Variants in CFAP126 observed in about 807,000 individuals in gnomAD.
CFAP126 encodes protein Flattop.
CFAP126 carries 21 observed loss-of-function variants against 17.1 expected under a neutral mutation model. The observed-to-expected ratio is 1.23, with a 90% CI of 0.87 to 1.77. CFAP126 has a LOEUF of 1.77. Ranked by LOEUF, CFAP126 falls within the 40% of genes most tolerant of loss-of-function variation. The pLI is 0.00. For missense variants in CFAP126, 174 were observed against 215.4 expected (o/e 0.81, Z 1.20); for synonymous variants, 65 against 73.5 (o/e 0.88, Z 0.59).
At chr1:161,365,181 A>T in intron 4 of CFAP126, 31 bp from the exon 5 acceptor site, 2 of 1,599,564 alleles carry the variant, frequency 1.3e-6, no homozygotes, top group Non-Finnish European at 1.7e-6. Flanking sequence ...AGAGATAGTC[A>T]TGTCTCTGGT....
chr1:161,366,619 T>C, intron 1 of CFAP126, 118 bp from the exon 2 acceptor site: 1 of 882,348 alleles, frequency 1.1e-6, no homozygotes, highest in Non-Finnish European at 1.9e-6. Context: ...ATGTAGGCTT[T>C]AAGTCACTAT....
At chr1:161,367,555 A>G (rs1402979282) in intron 1 of CFAP126, 2 of 375,752 alleles carry the variant, frequency 5.3e-6, no homozygotes, top group Non-Finnish European at 9.4e-6. Context: ...GCAAGTAGCT[A>G]CAGAATATTT....
chr1:161,366,502 C>T lies in CFAP126; in HGVS notation c.28-1G>A, dbSNP rs367993405. 3.1e-6 allele frequency: 5 copies of T among 1,613,850 alleles called. No individual in the cohort carries two copies. The highest frequency in any genetic ancestry group is 4.2e-6 in the Non-Finnish European group (5 of 1,179,780). On this transcript the variant is annotated splice_acceptor_variant, in intron 1 of 4. Coordinates refer to ENST00000367974, the MANE Select transcript of CFAP126 (RefSeq NM_001013625.4). LOFTEE classifies it high-confidence loss of function. The stretch of plus-strand genomic sequence containing the variant: ...ACTTGGATGAGAAAGCCTTTTCATA[C>T]TGTGGAGAGAAAGATAAGTAGCCCT...
intron 1 of CFAP126, 77 bp downstream of exon 1, chr1:161,367,765 C>G (rs1672785466): frequency 7.6e-7 from 1 of 1,318,576 alleles, no homozygotes; most frequent in Admixed American, 1.7e-5. Context: ...GATCAGAATC[C>G]TATGAGAGGG....
Position 161,366,784 on chromosome 1 carries a change from T to A in CFAP126, c.28-283A>T, listed in dbSNP as rs538613745. 25 of 412,748 alleles carry A rather than the reference T, an allele frequency of 6.1e-5. No homozygotes were observed. In the East Asian group the frequency reaches 1.2e-3, roughly 19 times the overall value. 25.6% of individuals were successfully genotyped at this position (412,748 alleles called of 1,614,324 possible). A position where few individuals can be genotyped will look rare whatever the true frequency, so the allele number is the denominator to read the frequency against. Reference sequence around the variant, plus strand: ...AATTTTTAAGTTTTTTTCTTTTCTTTTTTTTTTTGAGATAGGATCTTGGTC... The same window carrying A: ...AATTTTTAAGTTTTTTTCTTTTCTTATTTTTTTTGAGATAGGATCTTGGTC... On this transcript the variant is annotated intron_variant, in intron 1 of 4. Coordinates refer to ENST00000367974, the MANE Select transcript of CFAP126 (RefSeq NM_001013625.4).
chr1:161,365,336 A>G (rs1571903526), intron 4 of CFAP126, 186 bp from the exon 5 acceptor site: 3 of 893,782 alleles, frequency 3.4e-6, no homozygotes, highest in South Asian at 3.3e-5. Flanking sequence ...ATCATTTTCT[A>G]CTGTTGGGGG....
intron 1 of CFAP126, chr1:161,367,470 T>C (rs1672773273): frequency 5.2e-6 from 1 of 193,086 alleles, no homozygotes; most frequent in South Asian, 1.9e-4. Flanking sequence ...TTTTCATTAG[T>C]AGTACAAAAA....
At chr1:161,365,956 A>G in intron 3 of CFAP126, 1 of 604,806 alleles carries the variant, frequency 1.7e-6, no homozygotes. Context: ...CACTGCACAA[A>G]TGTCATCACC....
chr1:161,366,397 A>G (rs1427845235), intron 2 of CFAP126, 42 bp downstream of exon 2: 1 of 1,592,444 alleles, frequency 6.3e-7, no homozygotes. Context: ...ATTGACAGGG[A>G]GAGCATGAGG....
Position 161,365,166 on chromosome 1 carries a change from G to C in CFAP126, c.349-16C>G. 6.2e-7 allele frequency: 1 copy of C among 1,612,210 alleles called. No individual in the cohort carries two copies. Among genetic ancestry groups the C allele is most frequent in the Non-Finnish European group, 8.5e-7 (1 of 1,178,324 alleles). On this transcript the variant is annotated splice_polypyrimidine_tract_variant and intron_variant, in intron 4 of 4. Transcript: ENST00000367974. ...GATCATGGGGCTGTCAGTGATAAGAGTGGGAGAGATAGTCATGTCTCTGGT... is the reference window on the plus strand; with the variant it reads ...GATCATGGGGCTGTCAGTGATAAGACTGGGAGAGATAGTCATGTCTCTGGT...
Position 161,364,961 on chromosome 1 carries a change from G to C in CFAP126, c.*4C>G. The stretch of plus-strand genomic sequence containing the variant: ...CTAGCATACGTGGACTTCCAGGTGG[G>C]CTCTTAGGATTTGGCTGGTCTTTGG... On this transcript the variant is annotated 3_prime_UTR_variant, in exon 5 of 5. Coordinates refer to ENST00000367974, the MANE Select transcript of CFAP126 (RefSeq NM_001013625.4). The C allele has an allele frequency of 6.2e-7, 1 of 1,613,384 alleles. No individual in the cohort carries two copies. Among genetic ancestry groups the C allele is most frequent in the Non-Finnish European group, 8.5e-7 (1 of 1,179,476 alleles).
chr1:161,366,055 C>A (rs75715534), intron 3 of CFAP126, 143 bp downstream of exon 3: 1 of 739,686 alleles, frequency 1.4e-6, no homozygotes, highest in South Asian at 1.7e-5. Context: ...GTAAGCTGGC[C>A]GGAAGTTCAG....
chr1:161,365,940 A>G (rs1352254179), intron 3 of CFAP126: 1 of 605,506 alleles, frequency 1.7e-6, no homozygotes. Context: ...GTGGCAAAGG[A>G]GTACCCACTG....
chr1:161,365,398 G>T, intron 4 of CFAP126, 128 bp downstream of exon 4: 1 of 1,165,338 alleles, frequency 8.6e-7, no homozygotes, highest in Non-Finnish European at 1.3e-6. Flanking sequence ...TTAAGGACTA[G>T]TCAAGATAAG....
At chr1:161,366,585 T>C in intron 1 of CFAP126, 84 bp from the exon 2 acceptor site, 1 of 1,315,552 alleles carries the variant, frequency 7.6e-7, no homozygotes, top group Non-Finnish European at 1.1e-6. Flanking sequence ...TCTTTAGATT[T>C]GAAGACCAAA....
intron 1 of CFAP126, 155 bp from the exon 2 acceptor site, chr1:161,366,656 G>A (rs1466285632): frequency 2.9e-6 from 2 of 698,852 alleles, no homozygotes; most frequent in Admixed American, 4.6e-5. Flanking sequence ...GTTTGGTCTA[G>A]ATGTGTGCTG....
rs141881555 is a variant in CFAP126 at position 161,365,624 on chromosome 1, G to A, written c.250C>T (p.Arg84Cys). ...IPPARVTLTS[R>C]TTAGAASLTK... ...AGGGAGGCAGCACCAGCAGTTGTAC[G>A]GGAGGTCAGGGTCACCCGAGCAGGG... The change falls in exon 4 of 5, where the codon CGT becomes TGT. Residue 84 changes from arginine (R) to cysteine (C), a missense_variant. Transcript: ENST00000367974. 8.2e-4 allele frequency: 1,328 copies of A among 1,614,114 alleles called. No individual in the cohort carries two copies. The highest frequency in any genetic ancestry group is 2.1e-3 in the Middle Eastern group (13 of 6,058).
In CFAP126 at chr1:161,365,457, T is replaced by C. The variant is rs1027431722; in HGVS notation, c.348+69A>G. On this transcript the variant is annotated intron_variant, in intron 4 of 4. Transcript: ENST00000367974. ...TGCTGGGATAGTGGTGGCATAACAA[T>C]AGACATTTTTTGAGGTTGAAAAGAA... is the stretch of plus-strand genomic sequence containing the variant. 7 of 1,554,724 alleles carry C rather than the reference T, an allele frequency of 4.5e-6. No individual in the cohort carries two copies. In the Admixed American group the frequency reaches 1.0e-4, roughly 23 times the overall value.
intron 3 of CFAP126, 119 bp downstream of exon 3, chr1:161,366,079 A>T: frequency 1.1e-6 from 1 of 886,834 alleles, no homozygotes; most frequent in Non-Finnish European, 1.8e-6. Flanking sequence ...CTCTCACATT[A>T]CAACATGAAT....
Sources: allele counts gnomAD v4.1 joint callset, GRCh38; gene constraint gnomAD v4.1.1; transcripts MANE v1.5; gene names NCBI Gene and HGNC (gene_info 2026-07-23, HGNC 2026-07-21).